The following GUCY1A1 variants were observed in gnomAD, a reference collection of about 807,000 sequenced individuals.
The protein encoded by GUCY1A1 is guanylate cyclase 1 soluble subunit alpha 1.
A neutral mutation model predicts 64.5 loss-of-function variants in GUCY1A1; 48 were observed. The ratio of observed to expected loss-of-function variants is 0.74; its 90% CI spans 0.59 to 0.95. The LOEUF is 0.95. Ranked by LOEUF, GUCY1A1 falls within the 40% of genes least tolerant of loss-of-function variation. GUCY1A1 has a pLI of 0.00. For synonymous variants in GUCY1A1, 308 were observed against 303.4 expected (o/e 1.02, Z -0.16); for missense variants, 804 against 825.3 (o/e 0.97, Z 0.32).
At chr4:155,671,373 T>C (rs1157698458) in intron 2 of GUCY1A1, among the ~76,000 whole-genome samples, 1 of 152,240 alleles carries the variant, frequency 6.6e-6, no homozygotes, top group Non-Finnish European at 1.5e-5. Flanking sequence ...TTGCTGTTGA[T>C]TTAGCTGGAC....
At chr4:155,713,676 G>A in intron 7 of GUCY1A1, 93 bp downstream of exon 7, 1 of 1,374,720 alleles carries the variant, frequency 7.3e-7, no homozygotes, top group Non-Finnish European at 1.0e-6. Context: ...GCAACTGAAA[G>A]GCCACCTCTG....
At chr4:155,680,807 G>A (rs1735623197) in intron 2 of GUCY1A1, among the ~76,000 whole-genome samples, 1 of 152,056 alleles carries the variant, frequency 6.6e-6, no homozygotes, top group Non-Finnish European at 1.5e-5. Context: ...GCAGGAGGAG[G>A]AAGAAGAAGA....
intron 8 of GUCY1A1, among the ~76,000 whole-genome samples, chr4:155,719,026 T>C (rs998946673): frequency 1.3e-5 from 2 of 152,192 alleles, no homozygotes; most frequent in Admixed American, 6.6e-5. Context: ...GTTAAAAATA[T>C]CTAGACTATT....
chr4:155,731,523 T>C lies in GUCY1A1; in HGVS notation c.*1292T>C, dbSNP rs2110805510. Reference sequence around the variant, plus strand: ...GGAACTTCAACTTTTTCTTTTTGTTTTACATAAACATTTAAGCAGCTAGGA... The same window carrying C: ...GGAACTTCAACTTTTTCTTTTTGTTCTACATAAACATTTAAGCAGCTAGGA... On this transcript the variant is annotated 3_prime_UTR_variant, in exon 10 of 10. Transcript: ENST00000506455. The C allele has an allele frequency of 6.6e-6, 1 of 151,970 alleles. No homozygotes were observed. Among genetic ancestry groups the C allele is most frequent in the Non-Finnish European group, 1.5e-5 (1 of 67,846 alleles). The allele number at this position is 151,970 out of a possible 1,614,324, so 9.4% of individuals were successfully genotyped here.
intron 6 of GUCY1A1, 136 bp from the exon 7 acceptor site, chr4:155,712,962 T>C: frequency 1.5e-6 from 1 of 680,782 alleles, no homozygotes; most frequent in Non-Finnish European, 2.5e-6. Flanking sequence ...AAATAGGAAC[T>C]ATAAGAAAGC....
At position 155,736,427 on chromosome 4, in the gene GUCY1A1, G is replaced by GGGAA. The variant is rs1315100467; in HGVS notation, c.*6197_*6200dup. On this transcript the variant is annotated 3_prime_UTR_variant, in exon 10 of 10. Coordinates refer to ENST00000506455, the MANE Select transcript of GUCY1A1 (RefSeq NM_001130682.3). ...AAGACACATGTACTGCCAGAGCTTG[G>GGGAA]GGAACTCCCTAGAATCTACTCCTAG... The GGGAA allele has an allele frequency of 1.3e-5, 2 of 151,872 alleles. No individual in the cohort carries two copies. Among genetic ancestry groups the GGGAA allele is most frequent in the African/African-American group, 4.8e-5 (2 of 41,366 alleles). The allele number at this position is 151,872 out of a possible 1,614,324, so 9.4% of individuals were successfully genotyped here. A position where few individuals can be genotyped will look rare whatever the true frequency, so the allele number is the denominator to read the frequency against.
At chr4:155,682,115 CT>C (rs1464444913) in intron 2 of GUCY1A1, among the ~76,000 whole-genome samples, 1 of 152,108 alleles carries the variant, frequency 6.6e-6, no homozygotes, top group East Asian at 1.9e-4. Flanking sequence ...TTTCCTGCCT[CT>C]TTCCCACAAT....
At chr4:155,715,716 T>C (rs1241541253) in intron 7 of GUCY1A1, among the ~76,000 whole-genome samples, 1 of 152,208 alleles carries the variant, frequency 6.6e-6, no homozygotes, top group Non-Finnish European at 1.5e-5. Context: ...GCACTTCTTA[T>C]GTACTCATTG....
chr4:155,713,205 C>T lies in GUCY1A1; in HGVS notation c.1194C>T (p.Leu398=). The T allele has an allele frequency of 6.2e-7, 1 of 1,614,122 alleles. No individual in the cohort carries two copies. The highest frequency in any genetic ancestry group is 8.5e-7 in the Non-Finnish European group (1 of 1,179,988). Residue 398 remains leucine (L), a synonymous_variant, in exon 7 of 10, where the codon CTC becomes CTT. Coordinates refer to ENST00000506455, the MANE Select transcript of GUCY1A1 (RefSeq NM_001130682.3). ...DRLEDFTGRG[L]YLSDIPIHNA... ...TAGAAGATTTTACAGGACGAGGGCT[C>T]TACCTCTCAGACATCCCAATTCACA...
chr4:155,688,384 C>T (rs1729299820), intron 2 of GUCY1A1, among the ~76,000 whole-genome samples: 1 of 152,052 alleles, frequency 6.6e-6, no homozygotes. Context: ...TCCTGCCTGA[C>T]CAAAATTTAA....
At chr4:155,718,974 C>T (rs1238072755) in intron 8 of GUCY1A1, among the ~76,000 whole-genome samples, 1 of 152,054 alleles carries the variant, frequency 6.6e-6, no homozygotes, top group Non-Finnish European at 1.5e-5. Flanking sequence ...ATTTCTTTCT[C>T]TTTCTAATTT....
intron 2 of GUCY1A1, among the ~76,000 whole-genome samples, chr4:155,671,769 G>A (rs1233357234): frequency 6.6e-6 from 1 of 152,024 alleles, no homozygotes; most frequent in African/African-American, 2.4e-5. Flanking sequence ...AGTATTTATA[G>A]AAAATGCTTT....
At chr4:155,674,250 G>A (rs1734564837) in intron 2 of GUCY1A1, among the ~76,000 whole-genome samples, 1 of 151,216 alleles carries the variant, frequency 6.6e-6, no homozygotes, top group South Asian at 2.1e-4. Flanking sequence ...AGCTATTCGG[G>A]AGGCTGACGC....
intron 2 of GUCY1A1, among the ~76,000 whole-genome samples, chr4:155,681,683 CATA>C (rs1735796816): frequency 6.6e-6 from 1 of 152,126 alleles, no homozygotes; most frequent in Admixed American, 6.5e-5. Flanking sequence ...CTGTCATAGT[CATA>C]ATACTTTCTC....
intron 4 of GUCY1A1, 63 bp from the exon 5 acceptor site, chr4:155,708,173 T>C: frequency 1.2e-6 from 1 of 846,512 alleles, no homozygotes; most frequent in East Asian, 2.5e-5. Flanking sequence ...TTCTGTATAT[T>C]ATAATCTGAA....
chr4:155,690,345 TC>T (rs1356587273), intron 2 of GUCY1A1, among the ~76,000 whole-genome samples: 1 of 152,062 alleles, frequency 6.6e-6, no homozygotes, highest in South Asian at 2.1e-4. Context: ...ATTCATTTTT[TC>T]CCCCCAGGGT....
rs2039395469 is a variant in GUCY1A1, at chr4:155,666,962, C to G, written c.-190C>G. 6.6e-6 allele frequency: 1 copy of G among 152,486 alleles called. No individual in the cohort carries two copies. Among genetic ancestry groups the G allele is most frequent in the South Asian group, 2.1e-4 (1 of 4,828 alleles). 9.4% of individuals were successfully genotyped at this position (152,486 alleles called of 1,614,324 possible). A position where few individuals can be genotyped will look rare whatever the true frequency, so the allele number is the denominator to read the frequency against. ...AGACCCCAGCCGGGCGTGATCTCAC[C>G]ATGGTGCGTTTTGGCTGCTACTTTC... On this transcript the variant is annotated 5_prime_UTR_variant, in exon 1 of 10. Coordinates refer to ENST00000506455, the MANE Select transcript of GUCY1A1 (RefSeq NM_001130682.3).
At chr4:155,672,413 C>G (rs1173464453) in intron 2 of GUCY1A1, among the ~76,000 whole-genome samples, 1 of 152,142 alleles carries the variant, frequency 6.6e-6, no homozygotes, top group African/African-American at 2.4e-5. Flanking sequence ...CTTTATAAGG[C>G]TGTTCAACCA....
In GUCY1A1 at chr4:155,736,595, T is replaced by G. The variant is rs1468963780; in HGVS notation, c.*6364T>G. The G allele has an allele frequency of 6.6e-6, 1 of 152,022 alleles. No individual in the cohort carries two copies. Among genetic ancestry groups the G allele is most frequent in the Admixed American group, 6.6e-5 (1 of 15,232 alleles). 9.4% of individuals were successfully genotyped at this position (152,022 alleles called of 1,614,324 possible). A position where few individuals can be genotyped will look rare whatever the true frequency, so the allele number is the denominator to read the frequency against. On this transcript the variant is annotated 3_prime_UTR_variant, in exon 10 of 10. Coordinates refer to ENST00000506455, the MANE Select transcript of GUCY1A1 (RefSeq NM_001130682.3). ...CAATAACTGACAAGTCTGTGATTTT[T>G]GGGTTAGATGAGACCACTTTTGATT...
Sources: allele counts gnomAD v4.1 joint callset (sites outside exome capture counted in the v4.1 genomes callset), GRCh38; gene constraint gnomAD v4.1.1; transcripts MANE v1.5; gene names NCBI Gene and HGNC (gene_info 2026-07-23, HGNC 2026-07-21).